Variants in CNIH3 observed in about 807,000 individuals in gnomAD.
CNIH3 encodes the protein cornichon family AMPA receptor auxiliary protein 3.
In CNIH3, 14 loss-of-function variants were observed where a neutral mutation model predicts 24.1. The ratio of observed to expected loss-of-function variants is 0.58; its 90% CI spans 0.38 to 0.91. CNIH3 has a LOEUF of 0.91. Ranked by LOEUF, CNIH3 falls within the 40% of genes least tolerant of loss-of-function variation. CNIH3 has a pLI of 0.00. For missense variants in CNIH3, 178 were observed against 196.8 expected (o/e 0.90, Z 0.57); for synonymous variants, 68 against 73.8 (o/e 0.92, Z 0.40).
chr1:224,511,093 C>A (rs758773522), upstream of CNIH3, among the ~76,000 whole-genome samples: 1 of 152,214 alleles, frequency 6.6e-6, no homozygotes, highest in Non-Finnish European at 1.5e-5. Flanking sequence ...GAAAGGCCTG[C>A]TTCTTAAAGG....
chr1:224,592,936 C>G (rs936967151), downstream of CNIH3, among the ~76,000 whole-genome samples: 1 of 152,114 alleles, frequency 6.6e-6, no homozygotes, highest in Non-Finnish European at 1.5e-5. Context: ...GATCTGTTTA[C>G]AGTGCCTGTT....
intron 3 of CNIH3, among the ~76,000 whole-genome samples, chr1:224,550,397 A>C (rs1338549815): frequency 1.3e-5 from 2 of 152,196 alleles, no homozygotes; most frequent in African/African-American, 4.8e-5. Flanking sequence ...AAGATATTAC[A>C]TTAATATCAA....
At chr1:224,631,961 C>A (rs748199577) in intron 1 of CNIH3, among the ~76,000 whole-genome samples, 3 of 152,132 alleles carry the variant, frequency 2.0e-5, no homozygotes, top group Non-Finnish European at 2.9e-5. Context: ...AAAAATTTAA[C>A]TGTGTTCTGT....
chr1:224,611,340 C>T (rs1682689932), upstream of CNIH3: 2 of 152,162 alleles, frequency 1.3e-5, no homozygotes, highest in Admixed American at 1.3e-4. Flanking sequence ...TCCCATTAAA[C>T]CATGGCATCA....
At chr1:224,631,938 A>G (rs1290713267) in intron 1 of CNIH3, among the ~76,000 whole-genome samples, 2 of 152,178 alleles carry the variant, frequency 1.3e-5, no homozygotes, top group Non-Finnish European at 1.5e-5. Context: ...AGACATTTGT[A>G]TCTTGGATTA....
At chr1:224,647,451 C>G (rs559235087) in intron 1 of CNIH3, among the ~76,000 whole-genome samples, 3 of 152,224 alleles carry the variant, frequency 2.0e-5, no homozygotes, top group East Asian at 1.9e-4. Context: ...TGACCACCCC[C>G]CTGCCTGGGC....
chr1:224,682,791 A>G (rs1038353391), intron 2 of CNIH3, among the ~76,000 whole-genome samples: 4 of 152,220 alleles, frequency 2.6e-5, no homozygotes, highest in African/African-American at 9.6e-5. Context: ...ACAAGAACCT[A>G]CTTTCCTTCC....
chr1:224,442,257 C>T (rs1267449944), intron 1 of CNIH3, among the ~76,000 whole-genome samples: 1 of 152,080 alleles, frequency 6.6e-6, no homozygotes, highest in South Asian at 2.1e-4. Context: ...ATAATTCTCC[C>T]GCCTCAGCTT....
At chr1:224,730,649 C>A in intron 4 of CNIH3, 75 bp downstream of exon 4, 3 of 843,620 alleles carry the variant, frequency 3.6e-6, no homozygotes, top group South Asian at 1.5e-5. Context: ...TGATGTCACC[C>A]AAATAGACAG....
chr1:224,541,796 C>T (rs926712638), downstream of CNIH3, among the ~76,000 whole-genome samples: 8 of 151,438 alleles, frequency 5.3e-5, no homozygotes, highest in Non-Finnish European at 8.8e-5. Context: ...GTGAGCATAA[C>T]TATGATTTAT....
At chr1:224,676,360 CG>C (rs1003605747) in intron 1 of CNIH3, among the ~76,000 whole-genome samples, 3 of 151,218 alleles carry the variant, frequency 2.0e-5, no homozygotes, top group African/African-American at 7.3e-5. Context: ...TGAGACATGG[CG>C]GGGGGGTGTT....
intron 3 of CNIH3, among the ~76,000 whole-genome samples, chr1:224,560,165 T>C (rs1384385306): frequency 6.6e-6 from 1 of 152,178 alleles, no homozygotes; most frequent in African/African-American, 2.4e-5. Context: ...TGAGTAATGC[T>C]GCTATGAACA....
At chr1:224,656,312 T>C (rs940375625) in intron 1 of CNIH3, among the ~76,000 whole-genome samples, 1 of 152,180 alleles carries the variant, frequency 6.6e-6, no homozygotes, top group East Asian at 1.9e-4. Context: ...TGAGGCCACA[T>C]TGAACTAAAG....
intron 1 of CNIH3, chr1:224,661,249 G>T: frequency 6.5e-6 from 2 of 306,662 alleles, no homozygotes; most frequent in Non-Finnish European, 1.3e-5. Context: ...TTCAACTTCT[G>T]CTCTTTCTTG....
At chr1:224,526,975 C>G (rs1678872127) in intron 2 of CNIH3, among the ~76,000 whole-genome samples, 1 of 152,210 alleles carries the variant, frequency 6.6e-6, no homozygotes, top group African/African-American at 2.4e-5. Context: ...CTAAGCCATT[C>G]ATGAGGGCTC....
chr1:224,551,491 C>T (rs963552339), intron 3 of CNIH3, among the ~76,000 whole-genome samples: 3 of 151,900 alleles, frequency 2.0e-5, no homozygotes, highest in East Asian at 1.9e-4. Flanking sequence ...ATGTAATCAC[C>T]GAATATTATA....
intron 2 of CNIH3, among the ~76,000 whole-genome samples, chr1:224,532,999 T>A (rs1679133639): frequency 6.6e-6 from 1 of 152,182 alleles, no homozygotes; most frequent in Non-Finnish European, 1.5e-5. Context: ...AATAGTATCA[T>A]TTATGTAATA....
At chr1:224,436,852 T>C (rs1237398067) in intron 1 of CNIH3, 1 of 152,292 alleles carries the variant, frequency 6.6e-6, no homozygotes, top group Non-Finnish European at 1.5e-5. Flanking sequence ...CTTTTTGGCT[T>C]CATCTCTTAT....
intron 1 of CNIH3, among the ~76,000 whole-genome samples, chr1:224,630,040 C>T (rs1481127177): frequency 2.0e-5 from 3 of 152,140 alleles, no homozygotes; most frequent in Non-Finnish European, 4.4e-5. Flanking sequence ...GAGTTTGCCT[C>T]ATGATTACAG....
Sources: allele counts gnomAD v4.1 joint callset (sites outside exome capture counted in the v4.1 genomes callset), GRCh38; gene constraint gnomAD v4.1.1; transcripts MANE v1.5; gene names NCBI Gene and HGNC (gene_info 2026-07-23, HGNC 2026-07-21).